Variants in CEP152 observed in about 807,000 individuals in gnomAD.
CEP152 encodes the protein centrosomal protein 152, also known as centrosomal protein of 152 kDa.
In CEP152, 132 loss-of-function variants were observed where a neutral mutation model predicts 188.9. The observed-to-expected ratio is 0.70, with a 90% CI of 0.61 to 0.81. The LOEUF (loss-of-function observed/expected upper bound fraction) is 0.81. Among genes scored for constraint, CEP152 ranks in the 30% least tolerant of loss-of-function variants. The probability of loss-of-function intolerance (pLI) is 0.00; values close to 1 mark genes in which losing one functional copy is unlikely to be tolerated. For synonymous variants in CEP152, 649 were observed against 666.6 expected (o/e 0.97, Z 0.41); for missense variants, 1,914 against 1,969.8 (o/e 0.97, Z 0.54).
Position 48,756,497 on chromosome 15 carries a change from C to T in CEP152, c.2751G>A (p.Met917Ile), listed in dbSNP as rs189636635. ...KEKWKSELEN[M>I]RKNILPGKEL... ...CCTTTCCAGGAAGTATATTTTTCCT[C>T]ATATTTTCAAGCTCACTCTTCCATT... The change falls in exon 20 of 27, where the codon ATG becomes ATA. Residue 917 changes from methionine to isoleucine, a missense_variant. Coordinates refer to ENST00000380950, the MANE Select transcript of CEP152 (RefSeq NM_001194998.2). 3.0e-5 allele frequency: 49 copies of T among 1,611,696 alleles called. No individual in the cohort carries two copies. In the African/African-American group the frequency reaches 5.3e-4, roughly 18 times the overall value.
At chr15:48,756,599 C>T (rs1192783453) in intron 19 of CEP152, 46 bp from the exon 20 acceptor site, 3 of 1,572,294 alleles carry the variant, frequency 1.9e-6, no homozygotes, top group Non-Finnish European at 2.6e-6. Context: ...TATGATTCTC[C>T]TCCTTCGCAA....
downstream of CEP152, among the ~76,000 whole-genome samples, chr15:48,736,930 T>G (rs1030083918): frequency 6.6e-6 from 1 of 152,170 alleles, no homozygotes; most frequent in African/African-American, 2.4e-5. Context: ...TTTAGAGTTT[T>G]TTTCTAGAGT....
At chr15:48,786,101 A>G (rs1368444161) in intron 9 of CEP152, among the ~76,000 whole-genome samples, 2 of 152,196 alleles carry the variant, frequency 1.3e-5, no homozygotes, top group Non-Finnish European at 2.9e-5. Flanking sequence ...CATTAAAGAA[A>G]AGGTAAAAGG....
At chr15:48,799,160 G>GA (rs148060758) in intron 2 of CEP152, among the ~76,000 whole-genome samples, 6,552 of 145,798 alleles carry the variant, frequency 0.045, 388 homozygotes, top group African/African-American at 0.14. Flanking sequence ...AACCTTTCAG[G>GA]AAAAAAAAAA....
At position 48,732,489 on chromosome 15, in the gene CEP152, C is replaced by T. The variant is rs948267505; in HGVS notation, c.142+9142G>A. Among the ~76,000 whole-genome samples the T allele has an allele frequency of 2.0e-5, 3 of 151,778 alleles. No individual in the cohort carries two copies. The East Asian group carries it at 5.8e-4, about 29-fold the overall frequency. On this transcript the variant is annotated intron_variant and NMD_transcript_variant, in intron 2 of 3. Coordinates refer to the CEP152 transcript ENST00000561245. ...CATAAGTGAGTGAGAACATTGGGAG[C>T]TGAACATTGGGAACACATGGACACA... is the stretch of plus-strand genomic sequence containing the variant.
At chr15:48,801,527 A>T (rs1044421091) in intron 2 of CEP152, among the ~76,000 whole-genome samples, 3 of 152,260 alleles carry the variant, frequency 2.0e-5, no homozygotes, top group Admixed American at 2.0e-4. Context: ...TGACCCGTCA[A>T]CACTAAATGA....
intron 1 of CEP152, among the ~76,000 whole-genome samples, chr15:48,807,843 T>C (rs2140940853): frequency 6.6e-6 from 1 of 152,326 alleles, no homozygotes; most frequent in East Asian, 1.9e-4. Context: ...AAAATGTAGC[T>C]ACTAATATTT....
chr15:48,752,438 G>T lies in CEP152; in HGVS notation c.3377C>A (p.Ala1126Asp). The change falls in exon 21 of 27, where the codon GCC becomes GAC. Residue 1126 changes from alanine (A) to aspartate (D), a missense_variant. Coordinates refer to ENST00000380950, the MANE Select transcript of CEP152 (RefSeq NM_001194998.2). The stretch of plus-strand genomic sequence containing the variant: ...GTCTCCTTGGCCAGTGCCCTGGCTG[G>T]CAGAATCCTTAGAGAGCTCGGCCAT... ...RNMAELSKDS[A>D]SQGTGQGDPG... 3 of 1,613,798 alleles carry T rather than the reference G, an allele frequency of 1.9e-6. No homozygotes were observed. Among genetic ancestry groups the T allele is most frequent in the Non-Finnish European group, 2.5e-6 (3 of 1,180,018 alleles).
At chr15:48,786,978 A>C (rs1447233567) in intron 9 of CEP152, among the ~76,000 whole-genome samples, 1 of 152,130 alleles carries the variant, frequency 6.6e-6, no homozygotes, top group Non-Finnish European at 1.5e-5. Context: ...AAAAGCCACC[A>C]GGATCCACTC....
chr15:48,746,584 C>G (rs1489125506), intron 22 of CEP152, among the ~76,000 whole-genome samples: 1 of 152,090 alleles, frequency 6.6e-6, no homozygotes, highest in African/African-American at 2.4e-5. Flanking sequence ...TTATCTATCT[C>G]TTAGTAATAA....
At chr15:48,788,588 G>A (rs890483455) in intron 9 of CEP152, among the ~76,000 whole-genome samples, 1 of 150,656 alleles carries the variant, frequency 6.6e-6, no homozygotes, top group African/African-American at 2.4e-5. Flanking sequence ...CAGGTGATCC[G>A]CCTGCCTTGG....
chr15:48,739,068 C>G lies in CEP152; in HGVS notation c.4314G>C (p.Glu1438Asp), dbSNP rs1214865360. Residue 1438 changes from glutamate to aspartate, a missense_variant, in exon 27 of 27, where the codon GAG (glutamate) becomes GAC (aspartate). Transcript: ENST00000380950. ...HQSIKHVGSK[E>D]THLEFQFGDG... ...CCCCAAACTGGAATTCCAAATGTGT[C>G]TCTTTGGATCCCACATGCTTTATGC... The G allele has an allele frequency of 6.2e-7, 1 of 1,614,098 alleles. No homozygotes were observed. The highest frequency in any genetic ancestry group is 1.3e-5 in the African/African-American group (1 of 74,928).
chr15:48,752,577 A>T, intron 20 of CEP152, 108 bp from the exon 21 acceptor site: 1 of 1,496,892 alleles, frequency 6.7e-7, no homozygotes, highest in East Asian at 2.5e-5. Context: ...CCTGAAAAAA[A>T]TCTTGCCTGA....
chr15:48,761,634 G>T (rs1313936647), intron 18 of CEP152, among the ~76,000 whole-genome samples: 1 of 152,042 alleles, frequency 6.6e-6, no homozygotes, highest in Non-Finnish European at 1.5e-5. Flanking sequence ...GGGTATTTTT[G>T]TTTTTTAAAA....
intron 26 of CEP152, 68 bp from the exon 27 acceptor site, chr15:48,739,356 C>G: frequency 6.8e-7 from 1 of 1,479,840 alleles, no homozygotes; most frequent in Non-Finnish European, 8.9e-7. Flanking sequence ...CATCCTTGAA[C>G]AAAAAAATAA....
rs558706415 is a variant in CEP152 at position 48,807,533 on chromosome 15, G to A, written c.-7-1877C>T. 6.0e-5 allele frequency among the ~76,000 whole-genome samples: 9 copies of A among 149,482 alleles called. No individual in the cohort carries two copies. In the East Asian group the frequency reaches 1.8e-3, roughly 30 times the overall value. ...TTGCGCCACTGCAGTCCGCAGTCCG[G>A]CCTGGGCGACAGAGCGAGACTCCGT... is the stretch of plus-strand genomic sequence containing the variant. On this transcript the variant is annotated intron_variant, in intron 1 of 26. Transcript: ENST00000380950.
chr15:48,767,137 C>T lies in CEP152; in HGVS notation c.2203G>A (p.Glu735Lys), dbSNP rs1233574021. 2 of 1,613,700 alleles carry T rather than the reference C, an allele frequency of 1.2e-6. No individual in the cohort carries two copies. The highest frequency in any genetic ancestry group is 2.7e-5 in the African/African-American group (2 of 74,918). ...EVTAVQECYL[E>K]VCREKDNLEL... ...AGATTATCCTTCTCTCTGCACACTT[C>T]TAGGTAACATTCCTGCACAGCAGTC... Residue 735 changes from glutamate (E) to lysine (K), a missense_variant, in exon 17 of 27, where the codon GAA becomes AAA. Glu to Lys is a moderately conservative substitution (Grantham distance 56, BLOSUM62 1). Coordinates refer to ENST00000380950, the MANE Select transcript of CEP152 (RefSeq NM_001194998.2).
intron 24 of CEP152, among the ~76,000 whole-genome samples, 165 bp from the exon 25 acceptor site, chr15:48,742,265 C>G (rs775467650): frequency 4.6e-5 from 7 of 152,140 alleles, no homozygotes; most frequent in Non-Finnish European, 1.0e-4. Flanking sequence ...TTTAGATCAT[C>G]ATTTTGGTAG....
intron 9 of CEP152, among the ~76,000 whole-genome samples, chr15:48,787,047 A>G (rs1896686658): frequency 6.6e-6 from 1 of 151,908 alleles, no homozygotes; most frequent in Non-Finnish European, 1.5e-5. Flanking sequence ...ATGTTACCCT[A>G]TGTTTGGCCA....
Sources: gnomAD v4.1 joint callset for allele counts (sites outside exome capture counted in the v4.1 genomes callset) on GRCh38, gnomAD v4.1.1 for gene constraint, MANE v1.5 for transcripts, NCBI Gene and HGNC (gene_info 2026-07-23, HGNC 2026-07-21) for gene names.